DIP2C: variants seen among roughly 807,000 people sequenced by gnomAD.
The protein encoded by DIP2C is disco-interacting protein 2 homolog C.
In DIP2C, 33 loss-of-function variants were observed where a neutral mutation model predicts 192.4. The observed-to-expected ratio is 0.17, with a 90% CI of 0.13 to 0.23. DIP2C has a LOEUF of 0.23. Among genes scored for constraint, DIP2C ranks in the 10% least tolerant of loss-of-function variants. The probability of loss-of-function intolerance (pLI) is 1.00; values close to 1 mark genes in which losing one functional copy is unlikely to be tolerated. For synonymous variants in DIP2C, 979 were observed against 864.1 expected, an observed-to-expected ratio of 1.13 and a Z score of -2.33; for missense variants, 1,537 against 2,110.1, an observed-to-expected ratio of 0.73 and a Z score of 5.32.
intron 3 of DIP2C, among the ~76,000 whole-genome samples, chr10:470,721 A>T (rs1245105283): frequency 6.6e-6 from 1 of 151,988 alleles, no homozygotes; most frequent in Non-Finnish European, 1.5e-5. Context: ...ACTGACGCGG[A>T]TCTCCTGTGT....
At chr10:588,861 G>A (rs1851241419) in intron 1 of DIP2C, among the ~76,000 whole-genome samples, 1 of 152,202 alleles carries the variant, frequency 6.6e-6, no homozygotes, top group Non-Finnish European at 1.5e-5. Context: ...TTTCTCTGGG[G>A]TAAATACCCA....
At chr10:684,262 A>G (rs1831235103) in intron 1 of DIP2C, among the ~76,000 whole-genome samples, 1 of 152,252 alleles carries the variant, frequency 6.6e-6, no homozygotes, top group African/African-American at 2.4e-5. Context: ...CGCAACCAGT[A>G]ATGATGTTTT....
At chr10:382,877 G>T in intron 16 of DIP2C, 116 bp from the exon 17 acceptor site, 1 of 580,730 alleles carries the variant, frequency 1.7e-6, no homozygotes, top group Non-Finnish European at 2.9e-6. Flanking sequence ...TCTAGGCAGC[G>T]TGGAAAAATA....
rs377146310 is a variant in DIP2C at position 364,526 on chromosome 10, T to C, written c.2325A>G (p.Thr775=). 1.5e-4 allele frequency: 248 copies of C among 1,614,154 alleles called. No homozygotes were observed. The East Asian group carries it at 4.9e-3, about 32-fold the overall frequency. ...CGGGACCCACGAACCCCAGCAAGCC[T>C]GTCCTTATGAATGGGTATTCACTGA... is the stretch of plus-strand genomic sequence containing the variant. ...APISEYPFIR[T]GLLGFVGPGG... The change falls in exon 20 of 37, where the codon ACA becomes ACG. Residue 775 remains threonine (T), a synonymous_variant. Transcript: ENST00000280886.
At chr10:461,323 A>G (rs1969755013) in intron 3 of DIP2C, among the ~76,000 whole-genome samples, 1 of 152,270 alleles carries the variant, frequency 6.6e-6, no homozygotes, top group African/African-American at 2.4e-5. Flanking sequence ...GCAAAGACAC[A>G]CATAGGCTCA....
intron 10 of DIP2C, among the ~76,000 whole-genome samples, chr10:391,622 T>C (rs1963462523): frequency 6.6e-6 from 1 of 152,262 alleles, no homozygotes; most frequent in Non-Finnish European, 1.5e-5. Context: ...GTGCCAGCTG[T>C]GTGGGTTTTC....
rs1277822760 is a variant in DIP2C at position 657,815 on chromosome 10, C to T, written c.85+31679G>A. Among the ~76,000 whole-genome samples the T allele has an allele frequency of 6.0e-5, 9 of 148,882 alleles. No homozygotes were observed. The East Asian group carries it at 1.2e-3, about 20-fold the overall frequency. The stretch of plus-strand genomic sequence containing the variant: ...TCCCTGGACCTGATGCTGGACCTGC[C>T]GCTGGACTTGACCCTGGACCTGCCC... On this transcript the variant is annotated intron_variant, in intron 1 of 36. Transcript: ENST00000280886.
At chr10:505,247 T>C (rs1362404881) in intron 1 of DIP2C, among the ~76,000 whole-genome samples, 1 of 152,114 alleles carries the variant, frequency 6.6e-6, no homozygotes, top group Non-Finnish European at 1.5e-5. Flanking sequence ...GTCACTAACT[T>C]CCCAGCAGTG....
intron 1 of DIP2C, among the ~76,000 whole-genome samples, chr10:674,489 G>T (rs1282878391): frequency 1.3e-5 from 2 of 151,982 alleles, no homozygotes; most frequent in African/African-American, 4.8e-5. Context: ...AAATAGAGAG[G>T]CGGGGTGCAG....
At chr10:521,164 A>G (rs1462547342) in intron 1 of DIP2C, among the ~76,000 whole-genome samples, 1 of 152,244 alleles carries the variant, frequency 6.6e-6, no homozygotes, top group East Asian at 1.9e-4. Context: ...TTTTACAGGT[A>G]AATCAATATC....
intron 1 of DIP2C, among the ~76,000 whole-genome samples, chr10:493,997 G>C (rs747631999): frequency 3.7e-4 from 56 of 152,312 alleles, no homozygotes; most frequent in Non-Finnish European, 6.5e-4. Flanking sequence ...CCTGCTGAAG[G>C]GGGAGGAGGA....
chr10:657,276 C>G (rs1411099541), intron 1 of DIP2C, among the ~76,000 whole-genome samples: 175 of 3,696 alleles, frequency 0.047, no homozygotes, highest in Admixed American at 0.078. Flanking sequence ...TGGACCTGCC[C>G]CTGGACCTGC....
intron 1 of DIP2C, among the ~76,000 whole-genome samples, chr10:515,979 A>G (rs1361115044): frequency 2.6e-4 from 40 of 151,844 alleles, no homozygotes; most frequent in Non-Finnish European, 5.9e-5. Flanking sequence ...GGCACTAAGA[A>G]TATGTCTGTG....
chr10:627,857 G>A (rs1854292663), intron 1 of DIP2C, among the ~76,000 whole-genome samples: 1 of 152,230 alleles, frequency 6.6e-6, no homozygotes, highest in African/African-American at 2.4e-5. Flanking sequence ...ACTTCATTCA[G>A]CCTCGAACAG....
chr10:622,757 C>G (rs1265840575), intron 1 of DIP2C, among the ~76,000 whole-genome samples: 1 of 152,178 alleles, frequency 6.6e-6, no homozygotes. Context: ...ATGTAACTTG[C>G]TCAGGGACTG....
At chr10:505,513 T>C (rs1845536979) in intron 1 of DIP2C, among the ~76,000 whole-genome samples, 1 of 152,158 alleles carries the variant, frequency 6.6e-6, no homozygotes, top group East Asian at 1.9e-4. Context: ...TGCCCAGCTG[T>C]GATTCCTGTG....
At chr10:630,994 A>G (rs1854485247) in intron 1 of DIP2C, 1 of 152,260 alleles carries the variant, frequency 6.6e-6, no homozygotes, top group Admixed American at 6.5e-5. Context: ...GGGCTCCTCA[A>G]TGGGGAATTC....
chr10:657,907 C>T (rs1856484343), intron 1 of DIP2C, among the ~76,000 whole-genome samples: 1 of 152,100 alleles, frequency 6.6e-6, no homozygotes, highest in Admixed American at 6.5e-5. Context: ...GCCGCTGGAC[C>T]TGCCACTGGA....
intron 1 of DIP2C, among the ~76,000 whole-genome samples, chr10:539,844 T>C (rs945737036): frequency 1.3e-5 from 2 of 152,196 alleles, no homozygotes; most frequent in Admixed American, 6.5e-5. Flanking sequence ...TATCATAGAA[T>C]AACAGGATAA....
Sources: gnomAD v4.1 joint callset for allele counts (sites outside exome capture counted in the v4.1 genomes callset) on GRCh38, gnomAD v4.1.1 for gene constraint, MANE v1.5 for transcripts, NCBI Gene and HGNC (gene_info 2026-07-23, HGNC 2026-07-21) for gene names.